ZBTB16: variants seen among roughly 807,000 people sequenced by gnomAD.
The protein encoded by ZBTB16 is zinc finger and BTB domain containing 16, also known as zinc finger and BTB domain-containing protein 16.
Under a neutral mutation model 56.8 loss-of-function variants are expected in ZBTB16, and 8 were observed. The ratio of observed to expected loss-of-function variants is 0.14; its 90% confidence interval spans 0.08 to 0.25. ZBTB16 has a LOEUF of 0.25. ZBTB16 is among the 10% of genes least tolerant of loss of function. ZBTB16 has a pLI of 1.00. For missense variants in ZBTB16, 625 were observed against 903.0 expected (o/e 0.69, Z 3.95); for synonymous variants, 363 against 368.5 (o/e 0.98, Z 0.17).
chr11:114,207,846 T>C (rs1423889541), intron 4 of ZBTB16, among the ~76,000 whole-genome samples: 1 of 152,194 alleles, frequency 6.6e-6, no homozygotes. Flanking sequence ...ACTCCTGACC[T>C]CAAGTGATCC....
chr11:114,107,132 T>A (rs1940821089), intron 2 of ZBTB16, among the ~76,000 whole-genome samples: 1 of 152,128 alleles, frequency 6.6e-6, no homozygotes, highest in Non-Finnish European at 1.5e-5. Context: ...GTGATCGCTC[T>A]GATTTTCTAG....
At chr11:114,206,351 A>G (rs1408687895) in intron 4 of ZBTB16, among the ~76,000 whole-genome samples, 1 of 152,208 alleles carries the variant, frequency 6.6e-6, no homozygotes, top group Non-Finnish European at 1.5e-5. Context: ...AGCAGGCTAG[A>G]GAGAGACACT....
chr11:114,067,225 A>G (rs1939152041), intron 2 of ZBTB16, among the ~76,000 whole-genome samples: 1 of 152,156 alleles, frequency 6.6e-6, no homozygotes, highest in Non-Finnish European at 1.5e-5. Context: ...TCATCTCTGC[A>G]TGGTCCTCAT....
intron 4 of ZBTB16, chr11:114,210,039 T>C: frequency 2.3e-6 from 2 of 867,988 alleles, no homozygotes; most frequent in South Asian, 5.3e-5. Context: ...TAGAAGAGGG[T>C]CAAAAAGCCA....
chr11:114,114,989 G>A (rs993141375), intron 2 of ZBTB16, among the ~76,000 whole-genome samples: 11 of 152,208 alleles, frequency 7.2e-5, no homozygotes, highest in East Asian at 3.9e-4. Context: ...GGCCCAGGTC[G>A]TTCCATGCTG....
At chr11:114,103,183 C>T (rs1940675049) in intron 2 of ZBTB16, among the ~76,000 whole-genome samples, 1 of 152,224 alleles carries the variant, frequency 6.6e-6, no homozygotes, top group South Asian at 2.1e-4. Flanking sequence ...TGAAAGCATT[C>T]TCCTGCCTTT....
intron 2 of ZBTB16, among the ~76,000 whole-genome samples, chr11:114,119,782 C>T (rs143450867): frequency 5.7e-4 from 87 of 152,294 alleles, no homozygotes; most frequent in African/African-American, 2.0e-3. Context: ...ATTGTTAAAT[C>T]AGAGTACAGA....
intron 5 of ZBTB16, among the ~76,000 whole-genome samples, chr11:114,245,351 C>T (rs561649385): frequency 1.3e-4 from 20 of 152,214 alleles, no homozygotes; most frequent in African/African-American, 3.9e-4. Flanking sequence ...TGTCAAGGCA[C>T]GATGCCACTC....
chr11:114,084,708 G>T (rs557400486), intron 2 of ZBTB16, among the ~76,000 whole-genome samples: 16 of 152,194 alleles, frequency 1.1e-4, no homozygotes, highest in Non-Finnish European at 1.0e-4. Flanking sequence ...CCTTCTCCAC[G>T]TGGGGCCTCA....
chr11:114,117,526 A>G (rs1304338980), intron 2 of ZBTB16, among the ~76,000 whole-genome samples: 2 of 151,308 alleles, frequency 1.3e-5, no homozygotes, highest in Non-Finnish European at 2.9e-5. Flanking sequence ...TGAACAGGTC[A>G]TGTTGATTGG....
intron 2 of ZBTB16, among the ~76,000 whole-genome samples, chr11:114,091,358 A>G (rs1176086522): frequency 1.3e-5 from 2 of 151,908 alleles, no homozygotes; most frequent in African/African-American, 4.8e-5. Context: ...AAACAAAACA[A>G]AACAACAACA....
Position 114,191,315 on chromosome 11 carries a change from C to T in ZBTB16, c.1453+4277C>T, listed in dbSNP as rs144229171. Among the ~76,000 whole-genome samples, 25 of 152,192 alleles carry T rather than the reference C, an allele frequency of 1.6e-4. 1 individual carries two copies. Among genetic ancestry groups the T allele is most frequent in the African/African-American group, 5.8e-4 (24 of 41,526 alleles). On this transcript the variant is annotated intron_variant, in intron 4 of 6. Transcript: ENST00000335953. ...CAGTGGTCTCATAAGATTATAATAC[C>T]GTATTTTTACTGTGCCTTTTCTACA...
intron 4 of ZBTB16, among the ~76,000 whole-genome samples, chr11:114,228,776 C>G (rs139117557): frequency 0.015 from 2,322 of 152,360 alleles, 33 homozygotes; most frequent in Non-Finnish European, 0.027. Flanking sequence ...AGAAGTGTGC[C>G]TTCTGGCAGC....
chr11:114,207,218 C>T (rs527392), intron 4 of ZBTB16, among the ~76,000 whole-genome samples: 116,377 of 151,986 alleles, frequency 0.77, 44,715 homozygotes, highest in East Asian at 0.8. Context: ...ACCCCAGCTA[C>T]ACAGTGAAAT....
chr11:114,142,388 A>G (rs1941976272), intron 2 of ZBTB16, among the ~76,000 whole-genome samples: 1 of 152,234 alleles, frequency 6.6e-6, no homozygotes, highest in Non-Finnish European at 1.5e-5. Context: ...TAGAGTTAAA[A>G]GTTCTGATTT....
In ZBTB16 at chr11:114,119,819, A is replaced by G. The variant is rs551870301; in HGVS notation, c.1269-36518A>G. Reference sequence around the variant, plus strand: ...GATAAATGGAAGCTCAGAGTGGTTAAGCGCTTTACCTGGTGTCACACAGCT... The same window carrying G: ...GATAAATGGAAGCTCAGAGTGGTTAGGCGCTTTACCTGGTGTCACACAGCT... On this transcript the variant is annotated intron_variant, in intron 2 of 6. Coordinates refer to ENST00000335953, the MANE Select transcript of ZBTB16 (RefSeq NM_006006.6). Among the ~76,000 whole-genome samples the G allele has an allele frequency of 2.0e-5, 3 of 152,324 alleles. No homozygotes were observed. In the East Asian group the frequency reaches 5.8e-4, roughly 29 times the overall value.
intron 2 of ZBTB16, among the ~76,000 whole-genome samples, chr11:114,072,036 G>A (rs12419950): frequency 0.02 from 3,003 of 152,302 alleles, 268 homozygotes; most frequent in Admixed American, 0.16. Context: ...TGTGAGGAAC[G>A]GTGGCACAAA....
intron 2 of ZBTB16, among the ~76,000 whole-genome samples, chr11:114,137,544 C>G (rs1941830348): frequency 6.6e-6 from 1 of 152,168 alleles, no homozygotes; most frequent in Non-Finnish European, 1.5e-5. Flanking sequence ...TATGACTAGA[C>G]TTGAGGAGTT....
intron 5 of ZBTB16, among the ~76,000 whole-genome samples, chr11:114,245,197 A>G (rs1419254793): frequency 6.6e-6 from 1 of 152,156 alleles, no homozygotes; most frequent in Non-Finnish European, 1.5e-5. Flanking sequence ...GGCAGTCCGC[A>G]TGGCTCTGGC....
Sources: gnomAD v4.1 joint callset for allele counts (sites outside exome capture counted in the v4.1 genomes callset) on GRCh38, gnomAD v4.1.1 for gene constraint, MANE v1.5 for transcripts, NCBI Gene and HGNC (gene_info 2026-07-23, HGNC 2026-07-21) for gene names.